Variants in TRDN observed in about 807,000 individuals in gnomAD.
TRDN encodes the protein triadin in skeletal muscle.
A neutral mutation model predicts 149.7 loss-of-function variants in TRDN; 161 were observed. That is an observed-to-expected ratio of 1.08 (90% confidence interval 0.95 to 1.23). The LOEUF (loss-of-function observed/expected upper bound fraction) is 1.23. Among genes scored for constraint, TRDN ranks in the 50% most tolerant of loss-of-function variants. TRDN has a pLI of 0.00. For synonymous variants in TRDN, 294 were observed against 250.5 expected (o/e 1.17, Z -1.64); for missense variants, 896 against 823.5 (o/e 1.09, Z -1.08).
intron 1 of TRDN, among the ~76,000 whole-genome samples, chr6:123,621,064 A>G (rs938259382): frequency 3.9e-5 from 6 of 152,274 alleles, no homozygotes; most frequent in Non-Finnish European, 7.3e-5. Context: ...TCCAGCTCCA[A>G]GTAAAATGCT....
At chr6:123,584,662 G>T (rs1002637004) in intron 1 of TRDN, among the ~76,000 whole-genome samples, 1 of 152,160 alleles carries the variant, frequency 6.6e-6, no homozygotes, top group African/African-American at 2.4e-5. Context: ...GTGAAGCCTT[G>T]CGGCAGTACA....
At chr6:123,351,726 A>C in intron 21 of TRDN, 1 of 926,108 alleles carries the variant, frequency 1.1e-6, no homozygotes, top group Non-Finnish European at 1.3e-6. Context: ...TTGCATCTCA[A>C]ATTTGAAGGA....
chr6:123,499,243 G>A (rs191251423), intron 8 of TRDN, among the ~76,000 whole-genome samples: 1,618 of 152,202 alleles, frequency 0.011, 17 homozygotes, highest in Non-Finnish European at 0.013. Flanking sequence ...TCTGCCCCAT[G>A]TTGTGATGGG....
rs1039364765 is a variant in TRDN, at chr6:123,216,483, T to C, written c.*2118A>G. ...ACATTTTTACATTATAGCTGATTTG[T>C]CTAAATTCTAATTACAATAAAATAT... On this transcript the variant is annotated 3_prime_UTR_variant, in exon 41 of 41. Coordinates refer to ENST00000334268, the MANE Select transcript of TRDN (RefSeq NM_006073.4). 1 of 151,974 alleles carries C rather than the reference T, an allele frequency of 6.6e-6. No individual in the cohort carries two copies. The highest frequency in any genetic ancestry group is 2.4e-5 in the African/African-American group (1 of 41,446). 9.4% of individuals were successfully genotyped at this position (151,974 alleles called of 1,614,324 possible).
intron 12 of TRDN, among the ~76,000 whole-genome samples, chr6:123,436,676 GC>G (rs767379418): frequency 4.6e-4 from 70 of 152,040 alleles, no homozygotes; most frequent in South Asian, 1.2e-3. Context: ...GTCTAACCCA[GC>G]CTGCCCTCCC....
In TRDN at chr6:123,367,888, A is replaced by T. The variant is rs200066568; in HGVS notation, c.1274-1706T>A. On this transcript the variant is annotated intron_variant, in intron 19 of 40. Coordinates refer to ENST00000334268, the MANE Select transcript of TRDN (RefSeq NM_006073.4). The stretch of plus-strand genomic sequence containing the variant: ...CTACTGTGAGTCCCCCTCCCTACTT[A>T]CCTCAGTTACTACCATGAGTTTCAG... Among the ~76,000 whole-genome samples the T allele has an allele frequency of 1.1e-4, 16 of 152,074 alleles. No homozygotes were observed. In the East Asian group the frequency reaches 3.1e-3, roughly 29 times the overall value.
At chr6:123,263,135 C>A (rs1210344065) in intron 33 of TRDN, among the ~76,000 whole-genome samples, 1 of 152,042 alleles carries the variant, frequency 6.6e-6, no homozygotes, top group East Asian at 1.9e-4. Flanking sequence ...AGGAAAAGTT[C>A]TTGAAGGAAA....
intron 16 of TRDN, among the ~76,000 whole-genome samples, chr6:123,380,053 AAAGC>A (rs1781655149): frequency 2.6e-5 from 4 of 152,222 alleles, no homozygotes; most frequent in Admixed American, 2.6e-4. Context: ...AACAATAATA[AAAGC>A]AAGTCTAGAT....
chr6:123,464,533 T>C (rs1387866249), intron 10 of TRDN: 7 of 1,007,130 alleles, frequency 7.0e-6, no homozygotes, highest in Non-Finnish European at 8.3e-6. Flanking sequence ...AAGGTGGAGC[T>C]CAGATTCAAA....
intron 23 of TRDN, among the ~76,000 whole-genome samples, chr6:123,321,335 T>A (rs182057534): frequency 1.3e-5 from 2 of 152,270 alleles, no homozygotes; most frequent in Non-Finnish European, 2.9e-5. Flanking sequence ...TTCTCGCACT[T>A]TTCTAACCCA....
intron 12 of TRDN, chr6:123,421,456 C>T (rs1346869972): frequency 6.6e-6 from 1 of 152,082 alleles, no homozygotes; most frequent in Non-Finnish European, 1.5e-5. Flanking sequence ...ATTATATCAG[C>T]TACCTGATAG....
intron 8 of TRDN, among the ~76,000 whole-genome samples, chr6:123,499,719 A>T (rs370650755): frequency 0.011 from 542 of 47,648 alleles, 25 homozygotes; most frequent in African/African-American, 0.033. Context: ...AAAAAAAAAA[A>T]ATATATATAT....
intron 1 of TRDN, among the ~76,000 whole-genome samples, chr6:123,578,164 T>C (rs1311871036): frequency 6.6e-6 from 1 of 152,200 alleles, no homozygotes; most frequent in Non-Finnish European, 1.5e-5. Context: ...ATTTTTACCT[T>C]TGTTGCTATT....
At chr6:123,500,346 A>C (rs1317917897) in intron 8 of TRDN, among the ~76,000 whole-genome samples, 4 of 152,172 alleles carry the variant, frequency 2.6e-5, no homozygotes, top group African/African-American at 9.6e-5. Flanking sequence ...TGACCTTAAC[A>C]ACGTATAAGA....
At chr6:123,593,168 C>T (rs908527108) in intron 1 of TRDN, among the ~76,000 whole-genome samples, 2 of 152,166 alleles carry the variant, frequency 1.3e-5, no homozygotes, top group South Asian at 2.1e-4. Flanking sequence ...ATATGCTAGC[C>T]CCAAAATTGA....
At chr6:123,459,610 G>A (rs1776334234) in intron 10 of TRDN, among the ~76,000 whole-genome samples, 1 of 152,076 alleles carries the variant, frequency 6.6e-6, no homozygotes, top group Non-Finnish European at 1.5e-5. Context: ...ACCTTTAAAA[G>A]TACTATATTC....
At chr6:123,228,664 G>C (rs9490709) in intron 38 of TRDN, among the ~76,000 whole-genome samples, 5,333 of 151,974 alleles carry the variant, frequency 0.035, 325 homozygotes, top group African/African-American at 0.12. Flanking sequence ...AGTTCAAGAT[G>C]AGATTTGGGT....
At chr6:123,300,569 C>T (rs1778363030) in intron 24 of TRDN, among the ~76,000 whole-genome samples, 1 of 151,820 alleles carries the variant, frequency 6.6e-6, no homozygotes, top group African/African-American at 2.4e-5. Flanking sequence ...GGTTCGGAAG[C>T]TATTAATGAC....
At chr6:123,301,228 T>C (rs559486877) in intron 24 of TRDN, among the ~76,000 whole-genome samples, 6 of 152,180 alleles carry the variant, frequency 3.9e-5, no homozygotes, top group African/African-American at 1.4e-4. Context: ...GTGGTATTTT[T>C]CAAGTTCTAT....
Sources: allele counts gnomAD v4.1 joint callset (sites outside exome capture counted in the v4.1 genomes callset), GRCh38; gene constraint gnomAD v4.1.1; transcripts MANE v1.5; gene names NCBI Gene and HGNC (gene_info 2026-07-23, HGNC 2026-07-21).